The following EPSTI1 variants were observed in gnomAD, a reference collection of about 807,000 sequenced individuals.
EPSTI1 encodes epithelial-stromal interaction protein 1.
Under a neutral mutation model 49.9 loss-of-function variants are expected in EPSTI1, and 66 were observed. The observed-to-expected ratio is 1.32, with a 90% CI of 1.08 to 1.62. EPSTI1 has a LOEUF of 1.62. Ranked by LOEUF, EPSTI1 falls within the 40% of genes most tolerant of loss-of-function variation. The probability of loss-of-function intolerance (pLI) is 0.00; values close to 1 mark genes in which losing one functional copy is unlikely to be tolerated. For missense variants in EPSTI1, 394 were observed against 365.5 expected, an observed-to-expected ratio of 1.08 and a Z score of -0.64; for synonymous variants, 137 against 130.7, an observed-to-expected ratio of 1.05 and a Z score of -0.33.
chr13:42,930,073 A>G (rs60519371), intron 6 of EPSTI1, among the ~76,000 whole-genome samples: 269 of 152,348 alleles, frequency 1.8e-3, no homozygotes, highest in African/African-American at 6.4e-3. Context: ...AAGAACTACT[A>G]CAGTAGTACA....
chr13:42,976,266 G>T (rs1422665673), intron 1 of EPSTI1, among the ~76,000 whole-genome samples: 1 of 152,236 alleles, frequency 6.6e-6, no homozygotes, highest in African/African-American at 2.4e-5. Flanking sequence ...TTGCATTGCA[G>T]CTGATAAAAT....
intron 6 of EPSTI1, among the ~76,000 whole-genome samples, chr13:42,933,220 T>A (rs963854899): frequency 2.0e-5 from 3 of 152,002 alleles, no homozygotes; most frequent in Non-Finnish European, 2.9e-5. Flanking sequence ...TATAAGATAT[T>A]AATGTTAGCT....
chr13:42,928,947 G>T (rs1484790526), intron 6 of EPSTI1, among the ~76,000 whole-genome samples: 1 of 152,222 alleles, frequency 6.6e-6, no homozygotes, highest in East Asian at 1.9e-4. Flanking sequence ...TGGAAGTTGT[G>T]CATTGAAGGT....
intron 7 of EPSTI1, among the ~76,000 whole-genome samples, chr13:42,923,577 T>TA (rs2038085024): frequency 6.6e-6 from 1 of 151,816 alleles, no homozygotes; most frequent in African/African-American, 2.4e-5. Context: ...AATAAATAAA[T>TA]AAAAAATGGG....
intron 3 of EPSTI1, among the ~76,000 whole-genome samples, 177 bp downstream of exon 3, chr13:42,968,917 A>T (rs573190216): frequency 1.2e-4 from 8 of 66,054 alleles, no homozygotes; most frequent in African/African-American, 4.3e-4. Context: ...GAAAAAAAAA[A>T]AAATACACAC....
chr13:42,967,706 G>T (rs1594746219), intron 3 of EPSTI1, among the ~76,000 whole-genome samples: 1 of 152,182 alleles, frequency 6.6e-6, no homozygotes, highest in East Asian at 1.9e-4. Context: ...GTAGCAGAGA[G>T]TGGGGGATGC....
Position 42,895,058 on chromosome 13 carries a change from C to A in EPSTI1, c.866G>T (p.Gly289Val), listed in dbSNP as rs762512410. Residue 289 changes from glycine to valine, a missense_variant, in exon 10 of 11, where the codon GGC becomes GTC. Transcript: ENST00000313624. ...CCAACAGCCTCCAGATTGCTCGAGG[C>A]CACCTGGTTGACTTTTGCCTTGGAG... ...DRLQGKSQPG[G>V]LEQSGGCWNM... is the part of the protein sequence containing the mutation. 1.2e-6 allele frequency: 2 copies of A among 1,613,586 alleles called. No individual in the cohort carries two copies. Among genetic ancestry groups the A allele is most frequent in the South Asian group, 1.1e-5 (1 of 90,924 alleles).
At chr13:42,927,947 G>A (rs545943670) in intron 6 of EPSTI1, among the ~76,000 whole-genome samples, 1 of 152,288 alleles carries the variant, frequency 6.6e-6, no homozygotes, top group African/African-American at 2.4e-5. Context: ...AGAAAGCAGT[G>A]AAAAAGAAAC....
In EPSTI1 at chr13:42,895,022, CTATTCA is replaced by C. The variant is rs2037150182; in HGVS notation, c.896_901del (p.Met299_Asn300del). On this transcript the variant is annotated inframe_deletion, in exon 10 of 11. Transcript: ENST00000313624. ...GAAAAAACTCACCCAGCTGTTACCG[CTATTCA>C]TATTCCAACAGCCTCCAGATTGCTC... 1.9e-6 allele frequency: 3 copies of C among 1,612,122 alleles called. No individual in the cohort carries two copies.
intron 10 of EPSTI1, among the ~76,000 whole-genome samples, chr13:42,890,844 C>T (rs985836060): frequency 6.6e-6 from 1 of 151,830 alleles, no homozygotes; most frequent in Non-Finnish European, 1.5e-5. Flanking sequence ...TATATCTTAA[C>T]GGAAATGTTT....
chr13:42,926,302 TG>T, intron 7 of EPSTI1, 33 bp downstream of exon 7: 1 of 1,228,764 alleles, frequency 8.1e-7, no homozygotes, highest in Non-Finnish European at 1.2e-6. Flanking sequence ...CTATAAAATG[TG>T]CCAGGCAGCA....
intron 9 of EPSTI1, among the ~76,000 whole-genome samples, chr13:42,898,005 G>A (rs1413570397): frequency 6.6e-6 from 1 of 152,110 alleles, no homozygotes; most frequent in East Asian, 1.9e-4. Flanking sequence ...TCACTTCATG[G>A]CCCAAATCCT....
At chr13:42,900,278 C>T (rs2037317322) in intron 9 of EPSTI1, 32 bp downstream of exon 9, 3 of 1,591,668 alleles carry the variant, frequency 1.9e-6, no homozygotes, top group African/African-American at 1.3e-5. Context: ...ATTGATTTAA[C>T]CAAGGATGCT....
chr13:42,984,030 T>C (rs762816121), intron 1 of EPSTI1, among the ~76,000 whole-genome samples: 1 of 152,238 alleles, frequency 6.6e-6, no homozygotes, highest in East Asian at 1.9e-4. Context: ...CTGATAATCA[T>C]TGAGACATCT....
chr13:42,905,803 A>G (rs2037481772), intron 8 of EPSTI1, among the ~76,000 whole-genome samples: 1 of 152,224 alleles, frequency 6.6e-6, no homozygotes, highest in Non-Finnish European at 1.5e-5. Context: ...GCAAAAAGAA[A>G]TGAGTTGCTA....
At chr13:42,926,265 T>A in intron 7 of EPSTI1, 71 bp downstream of exon 7, 3 of 883,198 alleles carry the variant, frequency 3.4e-6, no homozygotes, top group Non-Finnish European at 5.9e-6. Flanking sequence ...TCACTCTATA[T>A]CCCTCATCTT....
chr13:42,963,346 G>T lies in EPSTI1; in HGVS notation c.406-8C>A, dbSNP rs747394166. 6.2e-7 allele frequency: 1 copy of T among 1,602,064 alleles called. No individual in the cohort carries two copies. The highest frequency in any genetic ancestry group is 2.2e-5 in the East Asian group (1 of 44,790). Reference sequence around the variant, plus strand: ...AGATTCTTCTCTTTTTAGCTAAATTGTATTGAAATTACAGAGAACAAAAAC... The same window carrying T: ...AGATTCTTCTCTTTTTAGCTAAATTTTATTGAAATTACAGAGAACAAAAAC... On this transcript the variant is annotated splice_polypyrimidine_tract_variant and splice_region_variant and intron_variant, in intron 4 of 10. Coordinates refer to ENST00000313624, the MANE Select transcript of EPSTI1 (RefSeq NM_033255.5).
chr13:42,920,924 C>T (rs1469763468), intron 7 of EPSTI1, among the ~76,000 whole-genome samples: 2 of 151,864 alleles, frequency 1.3e-5, no homozygotes, highest in African/African-American at 2.4e-5. Flanking sequence ...TCCCCTTCTT[C>T]CCCCCAAAAA....
intron 5 of EPSTI1, among the ~76,000 whole-genome samples, chr13:42,961,623 G>A (rs1055620711): frequency 6.6e-6 from 1 of 152,208 alleles, no homozygotes; most frequent in South Asian, 2.1e-4. Flanking sequence ...CAAAGAACAT[G>A]CACAAATGCT....
Sources: allele counts gnomAD v4.1 joint callset (sites outside exome capture counted in the v4.1 genomes callset), GRCh38; gene constraint gnomAD v4.1.1; transcripts MANE v1.5; gene names NCBI Gene and HGNC (gene_info 2026-07-23, HGNC 2026-07-21).